Variants in ANAPC4 observed in about 807,000 individuals in gnomAD.
ANAPC4 encodes the protein anaphase promoting complex subunit 4, also known as anaphase-promoting complex subunit 4.
A neutral mutation model predicts 119.8 loss-of-function variants in ANAPC4; 63 were observed. The ratio of observed to expected loss-of-function variants is 0.53; its 90% CI spans 0.43 to 0.65. The LOEUF is 0.65. Ranked by LOEUF, ANAPC4 falls within the 30% of genes least tolerant of loss-of-function variation. The pLI, the probability that ANAPC4 is intolerant of heterozygous loss-of-function variation, is 0.00. For missense variants in ANAPC4, 716 were observed against 945.1 expected, an observed-to-expected ratio of 0.76 and a Z score of 3.18; for synonymous variants, 283 against 318.6, an observed-to-expected ratio of 0.89 and a Z score of 1.19.
chr4:25,380,159 A>G (rs315677), intron 2 of ANAPC4, among the ~76,000 whole-genome samples: 22,400 of 152,180 alleles, frequency 0.15, 1,775 homozygotes, highest in East Asian at 0.27. Context: ...CGTTGACATA[A>G]AAGATTAGGT....
At chr4:25,394,755 A>C (rs1327778044) in intron 13 of ANAPC4, 42 bp downstream of exon 13, 1 of 1,597,814 alleles carries the variant, frequency 6.3e-7, no homozygotes, top group Admixed American at 1.8e-5. Flanking sequence ...CTATGAACAC[A>C]TTCTTAATTT....
intron 20 of ANAPC4, 27 bp from the exon 21 acceptor site, chr4:25,409,671 C>T: frequency 6.5e-7 from 1 of 1,536,418 alleles, no homozygotes; most frequent in Non-Finnish European, 8.9e-7. Context: ...TATGAATAAA[C>T]TTAAATTTCT....
chr4:25,384,488 C>T (rs535128481), intron 4 of ANAPC4, among the ~76,000 whole-genome samples: 151 of 152,284 alleles, frequency 9.9e-4, no homozygotes, highest in African/African-American at 3.5e-3. Flanking sequence ...TCAGAGCGAT[C>T]GCTATGTCAG....
At chr4:25,417,765 A>T in intron 28 of ANAPC4, 26 bp downstream of exon 28, 1 of 1,588,268 alleles carries the variant, frequency 6.3e-7, no homozygotes, top group Non-Finnish European at 8.5e-7. Context: ...TCGTTCAGCA[A>T]CTAAGAAATT....
At chr4:25,416,161 C>T in intron 26 of ANAPC4, 1 of 272,916 alleles carries the variant, frequency 3.7e-6, no homozygotes, top group East Asian at 6.7e-5. Context: ...CCATTGATGG[C>T]CAGGGGCTTT....
At chr4:25,404,669 C>T (rs1723160729) in intron 17 of ANAPC4, among the ~76,000 whole-genome samples, 2 of 152,080 alleles carry the variant, frequency 1.3e-5, no homozygotes, top group Admixed American at 1.3e-4. Context: ...TAGGGCAGGA[C>T]ATTGTAGAAA....
At position 25,414,633 on chromosome 4, in the gene ANAPC4, C is replaced by A. The variant is rs759054546; in HGVS notation, c.1759C>A (p.Leu587Ile). Residue 587 changes from leucine (L) to isoleucine (I), a missense_variant, in exon 25 of 29, where the codon CTT (leucine) becomes ATT (isoleucine). By Grantham distance (5) the Leu-to-Ile change is conservative. This residue lies in a region of ANAPC4 where 504 missense variants were observed against 615.8 expected (regional missense o/e 0.82). Coordinates refer to ENST00000315368, the MANE Select transcript of ANAPC4 (RefSeq NM_013367.3). ...NNKTSNLHYL[L>I]FTILEDSLYK... ...TAAAACTTCAAATCTACATTATCTT[C>A]TTTTTACTATTCTAGAAGATTCACT... The A allele has an allele frequency of 6.4e-7, 1 of 1,552,242 alleles. No homozygotes were observed. The highest frequency in any genetic ancestry group is 8.7e-7 in the Non-Finnish European group (1 of 1,143,116).
At chr4:25,415,425 T>C (rs779029019) in intron 25 of ANAPC4, 41 bp from the exon 26 acceptor site, 1 of 1,483,596 alleles carries the variant, frequency 6.7e-7, no homozygotes, top group South Asian at 1.2e-5. Context: ...CTATCCAGGT[T>C]GTTCCACAGA....
chr4:25,413,827 T>C, intron 22 of ANAPC4, 85 bp downstream of exon 22: 2 of 1,070,366 alleles, frequency 1.9e-6, no homozygotes, highest in Non-Finnish European at 2.7e-6. Context: ...ATCTTAATTT[T>C]TAGAATGAAC....
chr4:25,394,969 C>A, intron 14 of ANAPC4, 64 bp downstream of exon 14: 1 of 1,258,964 alleles, frequency 7.9e-7, no homozygotes, highest in Non-Finnish European at 1.1e-6. Context: ...GGCCTTCTTT[C>A]CGCCGCCTTT....
At chr4:25,413,146 C>T (rs1723670798) in intron 21 of ANAPC4, 1 of 150,690 alleles carries the variant, frequency 6.6e-6, no homozygotes, top group Admixed American at 6.6e-5. Flanking sequence ...GTATTTTAAA[C>T]ACCTAGCATA....
At position 25,394,818 on chromosome 4, in the gene ANAPC4, T is replaced by C. The variant is rs1221511002; in HGVS notation, c.985-11T>C. Reference sequence around the variant, plus strand: ...GATTGTATGCTAAATATATTTTCCTTTTTTAATTAGGGCTTGAAAAAGCTT... The same window carrying C: ...GATTGTATGCTAAATATATTTTCCTCTTTTAATTAGGGCTTGAAAAAGCTT... On this transcript the variant is annotated splice_polypyrimidine_tract_variant and intron_variant, in intron 13 of 28. Transcript: ENST00000315368. 1 of 1,609,224 alleles carries C rather than the reference T, an allele frequency of 6.2e-7. No individual in the cohort carries two copies. Among genetic ancestry groups the C allele is most frequent in the Non-Finnish European group, 8.5e-7 (1 of 1,178,622 alleles).
Position 25,418,215 on chromosome 4 carries a change from C to T in ANAPC4, c.2260C>T (p.Leu754Phe). The T allele has an allele frequency of 1.2e-6, 2 of 1,614,008 alleles. No individual in the cohort carries two copies. The highest frequency in any genetic ancestry group is 8.5e-7 in the Non-Finnish European group (1 of 1,179,950). ...AATGGACATAGATGATGAATGGGAG[C>T]TCGATGAGTCTTCAGATGAAGAGGA... ...FEMDIDDEWE[L>F]DESSDEEEEA... The change falls in exon 29 of 29, where the codon CTC becomes TTC. Residue 754 changes from leucine (L) to phenylalanine (F), a missense_variant. Physicochemically the swap from Leu to Phe is conservative, Grantham distance 22. This residue lies in a region of ANAPC4 where 504 missense variants were observed against 615.8 expected (regional missense o/e 0.82). Coordinates refer to ENST00000315368, the MANE Select transcript of ANAPC4 (RefSeq NM_013367.3).
At chr4:25,389,986 G>A (rs1273865117) in intron 7 of ANAPC4, 150 bp from the exon 8 acceptor site, 3 of 511,340 alleles carry the variant, frequency 5.9e-6, no homozygotes, top group Admixed American at 3.7e-5. Flanking sequence ...TGAATATTGA[G>A]TGTTAGTGGA....
At chr4:25,392,116 A>T (rs967308811) in intron 9 of ANAPC4, among the ~76,000 whole-genome samples, 3 of 152,170 alleles carry the variant, frequency 2.0e-5, no homozygotes, top group African/African-American at 7.2e-5. Flanking sequence ...CATTTATTCT[A>T]TCTACACAGG....
At chr4:25,392,107 A>G (rs575464353) in intron 9 of ANAPC4, among the ~76,000 whole-genome samples, 21 of 152,276 alleles carry the variant, frequency 1.4e-4, no homozygotes, top group African/African-American at 4.6e-4. Context: ...GTTATATTAC[A>G]TTTATTCTAT....
intron 25 of ANAPC4, 120 bp from the exon 26 acceptor site, chr4:25,415,346 C>A (rs1246371107): frequency 1.5e-6 from 1 of 656,108 alleles, no homozygotes; most frequent in Non-Finnish European, 2.5e-6. Context: ...TAAACAAGTT[C>A]TCAGTGTTCT....
Position 25,379,568 on chromosome 4 carries a change from C to T in ANAPC4, c.130-806C>T, listed in dbSNP as rs376484728. On this transcript the variant is annotated intron_variant, in intron 2 of 28. Coordinates refer to ENST00000315368, the MANE Select transcript of ANAPC4 (RefSeq NM_013367.3). The stretch of plus-strand genomic sequence containing the variant: ...AGCAAGGCTGCAGGGAAGCATTGTC[C>T]TCAGGTGAGAGGCACATTTCAGAGA... Among the ~76,000 whole-genome samples the T allele has an allele frequency of 3.3e-5, 5 of 152,158 alleles. No individual in the cohort carries two copies. The East Asian group carries it at 9.6e-4, about 29-fold the overall frequency.
intron 28 of ANAPC4, 100 bp from the exon 29 acceptor site, chr4:25,418,055 T>C (rs1252772024): frequency 8.6e-7 from 1 of 1,167,908 alleles, no homozygotes; most frequent in Non-Finnish European, 1.2e-6. Flanking sequence ...AATATAACTT[T>C]CCTATAAAAC....
Sources: allele counts gnomAD v4.1 joint callset (sites outside exome capture counted in the v4.1 genomes callset), GRCh38; gene constraint gnomAD v4.1.1; regional missense constraint gnomAD v4.1.1; transcripts MANE v1.5; gene names NCBI Gene and HGNC (gene_info 2026-07-23, HGNC 2026-07-21).